Variants in EFL1 observed in about 807,000 individuals in gnomAD.
EFL1 encodes the protein elongation factor-like GTPase 1.
In EFL1, 76 loss-of-function variants were observed where a neutral mutation model predicts 126.7. That is an observed-to-expected ratio of 0.60 (90% CI 0.50 to 0.73). EFL1 has a LOEUF of 0.73. EFL1 is among the 30% of genes least tolerant of loss of function. The probability of loss-of-function intolerance (pLI) is 0.00; values close to 1 mark genes in which losing one functional copy is unlikely to be tolerated. For missense variants in EFL1, 1,128 were observed against 1,343.2 expected, an observed-to-expected ratio of 0.84 and a Z score of 2.50; for synonymous variants, 410 against 448.4, an observed-to-expected ratio of 0.91 and a Z score of 1.08.
Position 82,130,520 on chromosome 15 carries a change from C to T in EFL1, c.3216G>A (p.Glu1072=). 3 of 1,614,138 alleles carry T rather than the reference C, an allele frequency of 1.9e-6. No homozygotes were observed. In the South Asian group the frequency reaches 3.3e-5, roughly 18 times the overall value. ...SDPFWVPTTE[E]EYLHFGEKAD... ...CCTTCTCCCCAAAGTGCAAGTATTC[C>T]TCCTCAGTAGTTGGCACCCAGAAGG... Residue 1072 remains glutamate (E), a synonymous_variant, in exon 20 of 20, where the codon GAG becomes GAA. Transcript: ENST00000268206.
intron 15 of EFL1, among the ~76,000 whole-genome samples, chr15:82,181,764 G>A (rs2074254459): frequency 6.6e-6 from 1 of 152,008 alleles, no homozygotes; most frequent in Non-Finnish European, 1.5e-5. Context: ...GTTTTCCTGT[G>A]TTACATTCAA....
chr15:82,226,002 T>C (rs1464275436), intron 11 of EFL1, among the ~76,000 whole-genome samples: 1 of 152,136 alleles, frequency 6.6e-6, no homozygotes, highest in Non-Finnish European at 1.5e-5. Flanking sequence ...GAATCAAACA[T>C]GTATCAGAAG....
chr15:82,152,303 G>C lies in EFL1; in HGVS notation c.2151C>G (p.Val717=). ...EEIGKQQKVA[V]IHQMKEDQSK... is the part of the protein sequence containing the mutation. ...TTTGATCTTCTTTCATTTGGTGTATGACTGCAACTTTTTGCTGTTTGCCTA... is the reference window on the plus strand; with the variant it reads ...TTTGATCTTCTTTCATTTGGTGTATCACTGCAACTTTTTGCTGTTTGCCTA... Residue 717 remains valine (V), a synonymous_variant, in exon 18 of 20, where the codon GTC becomes GTG. Transcript: ENST00000268206. The C allele has an allele frequency of 6.2e-7, 1 of 1,614,098 alleles. No individual in the cohort carries two copies. Among genetic ancestry groups the C allele is most frequent in the Non-Finnish European group, 8.5e-7 (1 of 1,180,022 alleles).
intron 15 of EFL1, among the ~76,000 whole-genome samples, chr15:82,190,110 TAAAAA>T (rs76997618): frequency 7.3e-6 from 1 of 136,866 alleles, no homozygotes. Context: ...GACTCTGTCT[TAAAAA>T]AAAAAAAAAA....
At chr15:82,148,540 G>A (rs1413612102) in intron 18 of EFL1, among the ~76,000 whole-genome samples, 4 of 152,108 alleles carry the variant, frequency 2.6e-5, no homozygotes, top group East Asian at 1.9e-4. Context: ...ATAGGGGTTC[G>A]CAATACCTAT....
At chr15:82,176,160 C>G (rs1209805246) in intron 15 of EFL1, among the ~76,000 whole-genome samples, 2 of 151,982 alleles carry the variant, frequency 1.3e-5, no homozygotes, top group Admixed American at 1.3e-4. Flanking sequence ...GACATTGACT[C>G]CCACCTGACC....
chr15:82,227,643 C>A, intron 10 of EFL1, 71 bp from the exon 11 acceptor site: 3 of 1,599,668 alleles, frequency 1.9e-6, no homozygotes, highest in Admixed American at 1.7e-5. Flanking sequence ...TCACTGTATG[C>A]ACTAAATATT....
chr15:82,204,299 A>G (rs2074501654), intron 15 of EFL1, among the ~76,000 whole-genome samples: 1 of 152,142 alleles, frequency 6.6e-6, no homozygotes, highest in African/African-American at 2.4e-5. Flanking sequence ...CCACTACTCA[A>G]AATTCATACT....
intron 3 of EFL1, among the ~76,000 whole-genome samples, chr15:82,257,335 T>C (rs900626997): frequency 5.3e-5 from 8 of 152,204 alleles, no homozygotes; most frequent in Admixed American, 5.2e-4. Context: ...CTCTCTTTTC[T>C]TCTTGATCAT....
chr15:82,232,875 G>A (rs1375657204), intron 7 of EFL1, among the ~76,000 whole-genome samples: 1 of 151,976 alleles, frequency 6.6e-6, no homozygotes, highest in Non-Finnish European at 1.5e-5. Context: ...TGATCAGTTA[G>A]ATTTCTGGTG....
intron 4 of EFL1, among the ~76,000 whole-genome samples, chr15:82,248,408 G>A (rs2074992568): frequency 6.6e-6 from 1 of 152,114 alleles, no homozygotes; most frequent in East Asian, 1.9e-4. Context: ...ATGACTTTCT[G>A]CTACATGCTG....
intron 4 of EFL1, among the ~76,000 whole-genome samples, chr15:82,251,715 A>G (rs1209737423): frequency 6.6e-6 from 1 of 152,250 alleles, no homozygotes; most frequent in Non-Finnish European, 1.5e-5. Flanking sequence ...CTGGTTTGGT[A>G]CAACAGCCAT....
intron 12 of EFL1, among the ~76,000 whole-genome samples, chr15:82,222,911 G>A (rs1224581924): frequency 1.3e-5 from 2 of 152,184 alleles, no homozygotes; most frequent in Non-Finnish European, 2.9e-5. Flanking sequence ...TGTCAGGTTG[G>A]AAGGTGAATT....
At chr15:82,227,607 C>A (rs2074778323) in intron 10 of EFL1, 35 bp from the exon 11 acceptor site, 1 of 1,613,202 alleles carries the variant, frequency 6.2e-7, no homozygotes, top group Admixed American at 1.7e-5. Context: ...AAACCTTGAG[C>A]CAGTGCCTCC....
At chr15:82,148,377 C>CAAAAA (rs547889990) in intron 18 of EFL1, among the ~76,000 whole-genome samples, 2 of 94,342 alleles carry the variant, frequency 2.1e-5, no homozygotes, top group African/African-American at 7.5e-5. Context: ...GAATCCATCT[C>CAAAAA]AAAAAAAAAA....
At chr15:82,235,233 G>T (rs559746256) in intron 7 of EFL1, among the ~76,000 whole-genome samples, 1 of 152,292 alleles carries the variant, frequency 6.6e-6, no homozygotes, top group South Asian at 2.1e-4. Flanking sequence ...CTGTTTCAAA[G>T]GAGTGTTGTC....
chr15:82,258,984 T>C (rs150519320), intron 3 of EFL1, 104 bp downstream of exon 3: 2 of 1,049,148 alleles, frequency 1.9e-6, no homozygotes, highest in East Asian at 2.4e-5. Context: ...GCAAGAATTA[T>C]GTTTTATACC....
chr15:82,259,284 G>A (rs146259691), intron 2 of EFL1, 129 bp from the exon 3 acceptor site: 1,089 of 762,674 alleles, frequency 1.4e-3, no homozygotes, highest in Middle Eastern at 1.0e-2. Context: ...TATGCTAGGT[G>A]ACAAAAGAGA....
rs757918837 is a variant in EFL1, at chr15:82,152,238, A to G, written c.2216T>C (p.Leu739Pro). Residue 739 changes from leucine (L) to proline (P), a missense_variant, in exon 18 of 20, where the codon CTA becomes CCA. Coordinates refer to ENST00000268206, the MANE Select transcript of EFL1 (RefSeq NM_024580.6). ...PEGIQVDSDG[L>P]ITITTPNKLA... Reference sequence around the variant, plus strand: ...TTTATTGGGAGTTGTTATGGTGATTAGCCCGTCAGAGTCAACTTGGATTCC... The same window carrying G: ...TTTATTGGGAGTTGTTATGGTGATTGGCCCGTCAGAGTCAACTTGGATTCC... The G allele has an allele frequency of 6.2e-7, 1 of 1,614,218 alleles. No homozygotes were observed. Among genetic ancestry groups the G allele is most frequent in the Non-Finnish European group, 8.5e-7 (1 of 1,180,034 alleles).
Sources: gnomAD v4.1 joint callset for allele counts (sites outside exome capture counted in the v4.1 genomes callset) on GRCh38, gnomAD v4.1.1 for gene constraint, MANE v1.5 for transcripts, NCBI Gene and HGNC (gene_info 2026-07-23, HGNC 2026-07-21) for gene names.